Variants in CRISP3 observed in about 807,000 individuals in gnomAD.
CRISP3 encodes cysteine-rich secretory protein 3.
Under a neutral mutation model 36.1 loss-of-function variants are expected in CRISP3, and 33 were observed. The observed-to-expected ratio is 0.91, with a 90% CI of 0.69 to 1.22. The LOEUF is 1.22. Ranked by LOEUF, CRISP3 falls within the 50% of genes most tolerant of loss-of-function variation. The probability of loss-of-function intolerance (pLI) is 0.00; values close to 1 mark genes in which losing one functional copy is unlikely to be tolerated. For missense variants in CRISP3, 330 were observed against 301.2 expected (o/e 1.10, Z -0.71); for synonymous variants, 117 against 104.6 (o/e 1.12, Z -0.72).
intron 6 of CRISP3, among the ~76,000 whole-genome samples, chr6:49,732,350 G>C (rs1050930162): frequency 2.0e-5 from 3 of 152,070 alleles, no homozygotes; most frequent in African/African-American, 7.2e-5. Context: ...ACATCACCTG[G>C]GATATCTACA....
chr6:49,741,453 C>CAAAAATATATTAA (rs1403859774), intron 1 of CRISP3, among the ~76,000 whole-genome samples: 1 of 151,870 alleles, frequency 6.6e-6, no homozygotes, highest in African/African-American at 2.4e-5. Context: ...TCATCAATTT[C>CAAAAATATATTAA]AAAAATATAT....
At chr6:49,739,929 C>A (rs1769156028) in intron 1 of CRISP3, among the ~76,000 whole-genome samples, 1 of 152,150 alleles carries the variant, frequency 6.6e-6, no homozygotes, top group East Asian at 1.9e-4. Context: ...TGAGTCCTAC[C>A]TTTTATATGG....
chr6:49,739,870 C>A (rs1769154938), intron 1 of CRISP3, among the ~76,000 whole-genome samples: 1 of 152,128 alleles, frequency 6.6e-6, no homozygotes, highest in Non-Finnish European at 1.5e-5. Flanking sequence ...CAGTAGATTT[C>A]TCTTAATTCA....
intron 1 of CRISP3, among the ~76,000 whole-genome samples, chr6:49,741,102 CA>C: frequency 1.3e-5 from 1 of 79,464 alleles, no homozygotes; most frequent in East Asian, 3.5e-4. Context: ...TCAAAAAAAA[CA>C]AAAAACAAAA....
At chr6:49,743,351 G>A (rs1769254444) in intron 1 of CRISP3, among the ~76,000 whole-genome samples, 1 of 152,148 alleles carries the variant, frequency 6.6e-6, no homozygotes, top group South Asian at 2.1e-4. Flanking sequence ...ACTTATCAAT[G>A]TAGGGTAACT....
In CRISP3 at chr6:49,728,550, G is replaced by A; in HGVS notation, c.*180C>T. The stretch of plus-strand genomic sequence containing the variant: ...AGATTTTGTTTCTTTTTAACCATTT[G>A]TATGAAAAATATTTTTGTAAAATAA... On this transcript the variant is annotated 3_prime_UTR_variant, in exon 8 of 8. Transcript: ENST00000263045. 1 of 442,616 alleles carries A rather than the reference G, an allele frequency of 2.3e-6. No individual in the cohort carries two copies. Among genetic ancestry groups the A allele is most frequent in the Non-Finnish European group, 3.7e-6 (1 of 269,468 alleles). 27.4% of individuals were successfully genotyped at this position (442,616 alleles called of 1,614,324 possible). A position where few individuals can be genotyped will look rare whatever the true frequency, so the allele number is the denominator to read the frequency against.
chr6:49,733,449 A>G (rs539767887), intron 5 of CRISP3, among the ~76,000 whole-genome samples, 157 bp from the exon 6 acceptor site: 1 of 152,310 alleles, frequency 6.6e-6, no homozygotes, highest in South Asian at 2.1e-4. Flanking sequence ...GAATCAAACT[A>G]AAACACTTTA....
intron 3 of CRISP3, 148 bp from the exon 4 acceptor site, chr6:49,735,739 AT>A (rs1229723805): frequency 2.5e-5 from 14 of 549,582 alleles, no homozygotes; most frequent in African/African-American, 7.7e-5. Flanking sequence ...AAATGTATAT[AT>A]TTTTTATGTG....
At chr6:49,733,537 C>T (rs1768967133) in intron 5 of CRISP3, among the ~76,000 whole-genome samples, 166 bp downstream of exon 5, 1 of 152,116 alleles carries the variant, frequency 6.6e-6, no homozygotes, top group African/African-American at 2.4e-5. Context: ...ATCCTGCAGT[C>T]TACTGAAAAA....
chr6:49,730,336 T>C (rs1768884826), intron 7 of CRISP3, among the ~76,000 whole-genome samples: 1 of 152,034 alleles, frequency 6.6e-6, no homozygotes, highest in African/African-American at 2.4e-5. Context: ...TTTAAAAATG[T>C]ATACAAAATT....
intron 4 of CRISP3, among the ~76,000 whole-genome samples, chr6:49,734,903 C>T (rs1010718329): frequency 4.0e-5 from 6 of 151,840 alleles, no homozygotes; most frequent in African/African-American, 1.5e-4. Flanking sequence ...TCTTGCAGGT[C>T]ATTTTTTTAG....
intron 1 of CRISP3, among the ~76,000 whole-genome samples, chr6:49,742,967 C>A (rs1051943934): frequency 5.3e-5 from 8 of 152,116 alleles, no homozygotes; most frequent in African/African-American, 1.9e-4. Context: ...CTAGTCACAG[C>A]ACAGAAAAGT....
intron 7 of CRISP3, 75 bp downstream of exon 7, chr6:49,731,088 C>A: frequency 9.0e-7 from 1 of 1,107,520 alleles, no homozygotes; most frequent in South Asian, 1.5e-5. Context: ...AGTTGGTTGT[C>A]TTCAGATTTC....
At position 49,740,575 on chromosome 6, in the gene CRISP3, A is replaced by ATGTGTGTG. The variant is rs35601509; in HGVS notation, c.38-3185_38-3178dup. Among the ~76,000 whole-genome samples, 248 of 141,538 alleles carry ATGTGTGTG rather than the reference A, an allele frequency of 1.8e-3. 1 individual carries two copies. The highest frequency in any genetic ancestry group is 3.6e-3 in the South Asian group (15 of 4,158). 92.9% of individuals were successfully genotyped at this position (141,538 alleles called of 152,430 possible). A position where few individuals can be genotyped will look rare whatever the true frequency, so the allele number is the denominator to read the frequency against. On this transcript the variant is annotated intron_variant, in intron 1 of 7. Coordinates refer to ENST00000263045, the MANE Select transcript of CRISP3 (RefSeq NM_006061.4). Reference sequence around the variant, plus strand: ...CATGACTTCTAGAATGTGTATATGGATGTGTGTGTGTGTGTGTGTGTGTGT... The same window carrying ATGTGTGTG: ...CATGACTTCTAGAATGTGTATATGGATGTGTGTGTGTGTGTGTGTGTGTGTGTGTGTGT...
At chr6:49,734,961 G>A (rs563387639) in intron 4 of CRISP3, among the ~76,000 whole-genome samples, 1 of 151,946 alleles carries the variant, frequency 6.6e-6, no homozygotes, top group South Asian at 2.1e-4. Context: ...AAAAGACATG[G>A]CTTACTGTCA....
chr6:49,733,632 G>A (rs959748479), intron 5 of CRISP3, 71 bp downstream of exon 5: 13 of 1,472,752 alleles, frequency 8.8e-6, no homozygotes, highest in East Asian at 2.3e-5. Context: ...CTTGGAATCA[G>A]TCAAAATTTG....
rs1277514469 is a variant in CRISP3 at position 49,728,744 on chromosome 6, T to C, written c.763A>G (p.Asn255Asp). 1 of 1,611,712 alleles carries C rather than the reference T, an allele frequency of 6.2e-7. No homozygotes were observed. The highest frequency in any genetic ancestry group is 2.2e-5 in the East Asian group (1 of 44,808). Residue 255 changes from asparagine to aspartate, a missense_variant, in exon 8 of 8, where the codon AAC becomes GAC. By Grantham distance (23) the Asn-to-Asp change is conservative. Coordinates refer to ENST00000263045, the MANE Select transcript of CRISP3 (RefSeq NM_006061.4). ...GTAATGCGTATTTAATAAATGCTGT[T>C]TGAACAATTGCAGGAGGCCTTGCAA... is the stretch of plus-strand genomic sequence containing the variant. ...DSCKASCNCS[N>D]SIY
In CRISP3 at chr6:49,731,205, G is replaced by A; in HGVS notation, c.607C>T (p.Pro203Ser). ...CAGTTATCTGGGCAACTGGCACAAGGTGCTCCTTGTTCATAAGGGACATAT... is the reference window on the plus strand; with the variant it reads ...CAGTTATCTGGGCAACTGGCACAAGATGCTCCTTGTTCATAAGGGACATAT... Reference protein sequence around the residue: ...RLYVPYEQGAPCASCPDNCDD... With the variant: ...RLYVPYEQGASCASCPDNCDD... The change falls in exon 7 of 8, where the codon CCT becomes TCT. Residue 203 changes from proline (P) to serine (S), a missense_variant. Transcript: ENST00000263045. 6.2e-7 allele frequency: 1 copy of A among 1,611,836 alleles called. No individual in the cohort carries two copies. The highest frequency in any genetic ancestry group is 8.5e-7 in the Non-Finnish European group (1 of 1,178,860).
intron 5 of CRISP3, 102 bp from the exon 6 acceptor site, chr6:49,733,394 T>A (rs1768964286): frequency 8.2e-6 from 7 of 850,428 alleles, no homozygotes; most frequent in Non-Finnish European, 1.3e-5. Flanking sequence ...GTTACCGACA[T>A]ATTTTGTTTT....
Sources: gnomAD v4.1 joint callset for allele counts (sites outside exome capture counted in the v4.1 genomes callset) on GRCh38, gnomAD v4.1.1 for gene constraint, MANE v1.5 for transcripts, NCBI Gene and HGNC (gene_info 2026-07-23, HGNC 2026-07-21) for gene names.